The following ASB15 variants were observed in gnomAD, a reference collection of about 807,000 sequenced individuals.
The protein encoded by ASB15 is ankyrin repeat and SOCS box containing 15, also known as ankyrin repeat and SOCS box protein 15.
ASB15 carries 54 observed loss-of-function variants against 58.0 expected under a neutral mutation model. The ratio of observed to expected loss-of-function variants is 0.93; its 90% CI spans 0.75 to 1.17. The LOEUF (loss-of-function observed/expected upper bound fraction) is 1.17. Ranked by LOEUF, ASB15 falls within the 50% of genes most tolerant of loss-of-function variation. The probability of loss-of-function intolerance (pLI) is 0.00; values close to 1 mark genes in which losing one functional copy is unlikely to be tolerated. For missense variants in ASB15, 680 were observed against 707.4 expected (o/e 0.96, Z 0.44); for synonymous variants, 249 against 262.4 (o/e 0.95, Z 0.50).
chr7:123,621,363 A>G (rs1346487320), intron 7 of ASB15: 10 of 152,196 alleles, frequency 6.6e-5, no homozygotes, highest in Admixed American at 5.9e-4. Context: ...TCAGCCACAC[A>G]TCTGGGGAAT....
intron 7 of ASB15, among the ~76,000 whole-genome samples, chr7:123,622,501 A>G (rs1584798283): frequency 6.6e-6 from 1 of 152,292 alleles, no homozygotes; most frequent in Admixed American, 6.5e-5. Context: ...TCAAAAAATT[A>G]AATTGGAAGT....
At chr7:123,609,778 G>A (rs547305906) in intron 3 of ASB15, among the ~76,000 whole-genome samples, 11 of 152,302 alleles carry the variant, frequency 7.2e-5, no homozygotes, top group African/African-American at 2.6e-4. Context: ...AAATTTATCA[G>A]CTGCCTTTAC....
At chr7:123,569,172 T>A (rs556961429) in intron 1 of ASB15, among the ~76,000 whole-genome samples, 1 of 152,180 alleles carries the variant, frequency 6.6e-6, no homozygotes, top group African/African-American at 2.4e-5. Context: ...TCTCAACCAT[T>A]AAGGAGTCAT....
chr7:123,607,434 A>C (rs1800202668), intron 2 of ASB15, among the ~76,000 whole-genome samples: 1 of 152,156 alleles, frequency 6.6e-6, no homozygotes. Flanking sequence ...AGCTGAGATA[A>C]ACATTCTCAC....
At chr7:123,609,431 C>A (rs1287495720) in intron 3 of ASB15, among the ~76,000 whole-genome samples, 1 of 152,178 alleles carries the variant, frequency 6.6e-6, no homozygotes, top group Non-Finnish European at 1.5e-5. Context: ...GAATCTCTTG[C>A]TGATGCAATA....
chr7:123,591,798 A>ATG (rs1198894269), intron 1 of ASB15, among the ~76,000 whole-genome samples: 8 of 152,182 alleles, frequency 5.3e-5, no homozygotes, highest in Admixed American at 5.2e-4. Flanking sequence ...TGGTATCAGG[A>ATG]TGATGCTGAC....
chr7:123,581,865 T>G (rs1348364890), intron 1 of ASB15, among the ~76,000 whole-genome samples: 1 of 151,994 alleles, frequency 6.6e-6, no homozygotes, highest in Non-Finnish European at 1.5e-5. Flanking sequence ...TCAAGAGTAC[T>G]GTTCAAAAGA....
intron 1 of ASB15, among the ~76,000 whole-genome samples, chr7:123,577,004 C>G (rs1029995000): frequency 6.6e-6 from 1 of 152,152 alleles, no homozygotes; most frequent in African/African-American, 2.4e-5. Context: ...AACAAGAAGA[C>G]TTCCTGTTAT....
Position 123,616,570 on chromosome 7 carries a change from T to A in ASB15, c.292+75T>A. 2.1e-6 allele frequency: 3 copies of A among 1,431,718 alleles called. No homozygotes were observed. The South Asian group carries it at 3.9e-5, about 19-fold the overall frequency. The allele number at this position is 1,431,718 out of a possible 1,614,324, so 88.7% of individuals were successfully genotyped here. On this transcript the variant is annotated intron_variant, in intron 6 of 11. Transcript: ENST00000451215. ...ATGTTGATGTTATAAGTGTTTTCAGTGAACATAACTAGCAGAAAGAAAAGG... is the reference window on the plus strand; with the variant it reads ...ATGTTGATGTTATAAGTGTTTTCAGAGAACATAACTAGCAGAAAGAAAAGG...
Position 123,571,697 on chromosome 7 carries a change from G to A in ASB15, c.-443+4609G>A, listed in dbSNP as rs186303496. 2.2e-4 allele frequency among the ~76,000 whole-genome samples: 33 copies of A among 152,270 alleles called. No homozygotes were observed. In the East Asian group the frequency reaches 5.0e-3, roughly 23 times the overall value. Reference sequence around the variant, plus strand: ...TAACCAGCAATGTAAAAGAGATGTTGTTTCACCAAATTCACACCAGCAATG... The same window carrying A: ...TAACCAGCAATGTAAAAGAGATGTTATTTCACCAAATTCACACCAGCAATG... On this transcript the variant is annotated intron_variant, in intron 1 of 13. Coordinates refer to the ASB15 transcript ENST00000451558.
chr7:123,627,892 A>G (rs1801897876), intron 9 of ASB15, among the ~76,000 whole-genome samples: 1 of 152,212 alleles, frequency 6.6e-6, no homozygotes, highest in Non-Finnish European at 1.5e-5. Flanking sequence ...TATATTTCAT[A>G]AGCTCAAAAA....
intron 1 of ASB15, among the ~76,000 whole-genome samples, chr7:123,579,890 T>C (rs896334516): frequency 1.3e-5 from 2 of 152,044 alleles, no homozygotes; most frequent in Admixed American, 6.6e-5. Flanking sequence ...ATTGTTTAGG[T>C]CTCTAGGTTT....
At chr7:123,610,754 CT>C (rs1022136519) in intron 3 of ASB15, among the ~76,000 whole-genome samples, 2 of 152,140 alleles carry the variant, frequency 1.3e-5, no homozygotes, top group Non-Finnish European at 2.9e-5. Flanking sequence ...GCATCAGTTA[CT>C]TTGTAAATCA....
rs754585470 is a variant in ASB15 at position 123,630,128 on chromosome 7, CAA to C, written c.1594+12_1594+13del. 1.9e-6 allele frequency: 3 copies of C among 1,552,480 alleles called. No homozygotes were observed. Among genetic ancestry groups the C allele is most frequent in the South Asian group, 2.5e-5 (2 of 80,884 alleles). On this transcript the variant is annotated intron_variant, in intron 11 of 11. Coordinates refer to ENST00000451215, the MANE Select transcript of ASB15 (RefSeq NM_001290258.2). The stretch of plus-strand genomic sequence containing the variant: ...AATCCGCCAAATACTAGGTAAAAAC[CAA>C]AAGTTTTGCCTACAATTTTTAAATT...
At chr7:123,579,278 A>G (rs1182710745) in intron 1 of ASB15, among the ~76,000 whole-genome samples, 1 of 151,950 alleles carries the variant, frequency 6.6e-6, no homozygotes, top group Admixed American at 6.6e-5. Context: ...GATATACTAC[A>G]TTTTCTTTAT....
chr7:123,598,168 A>T (rs1799759950), upstream of ASB15, among the ~76,000 whole-genome samples: 1 of 152,100 alleles, frequency 6.6e-6, no homozygotes, highest in Non-Finnish European at 1.5e-5. Context: ...GGTTTCCCTC[A>T]TGTCCATTTT....
intron 1 of ASB15, among the ~76,000 whole-genome samples, chr7:123,578,049 C>T (rs947722590): frequency 6.6e-6 from 1 of 151,414 alleles, no homozygotes; most frequent in Non-Finnish European, 1.5e-5. Context: ...CCTAGCCCCC[C>T]ACCCCATGAC....
chr7:123,593,338 C>T (rs903802219), intron 1 of ASB15, among the ~76,000 whole-genome samples: 1 of 151,970 alleles, frequency 6.6e-6, no homozygotes, highest in Non-Finnish European at 1.5e-5. Context: ...TTATTTTGCC[C>T]GTTAATTGAT....
chr7:123,627,357 A>G (rs1351591767), intron 9 of ASB15, 76 bp downstream of exon 9: 4 of 1,159,088 alleles, frequency 3.5e-6, no homozygotes, highest in African/African-American at 1.6e-5. Flanking sequence ...ACAAGTCTAT[A>G]TGTAATACCT....
Sources: gnomAD v4.1 joint callset for allele counts (sites outside exome capture counted in the v4.1 genomes callset) on GRCh38, gnomAD v4.1.1 for gene constraint, MANE v1.5 for transcripts, NCBI Gene and HGNC (gene_info 2026-07-23, HGNC 2026-07-21) for gene names.